Variants in GRIN2A observed in about 807,000 individuals in gnomAD.
The protein encoded by GRIN2A is glutamate ionotropic receptor NMDA type subunit 2A.
Under a neutral mutation model 113.4 loss-of-function variants are expected in GRIN2A, and 22 were observed. The observed-to-expected ratio is 0.19, with a 90% confidence interval of 0.14 to 0.28. The LOEUF is 0.28. GRIN2A is among the 10% of genes least tolerant of loss of function. GRIN2A has a pLI of 1.00. For synonymous variants in GRIN2A, 827 were observed against 738.4 expected, an observed-to-expected ratio of 1.12 and a Z score of -1.94; for missense variants, 1,502 against 1,887.0, an observed-to-expected ratio of 0.80 and a Z score of 3.78.
intron 2 of GRIN2A, among the ~76,000 whole-genome samples, chr16:9,944,123 A>T (rs150042833): frequency 1.4e-3 from 215 of 152,266 alleles, no homozygotes; most frequent in African/African-American, 4.8e-3. Context: ...GTCTGCCAAG[A>T]AAAGGAAATA....
chr16:10,156,977 G>T (rs1368411187), intron 2 of GRIN2A, among the ~76,000 whole-genome samples: 1 of 152,194 alleles, frequency 6.6e-6, no homozygotes, highest in African/African-American at 2.4e-5. Context: ...GAGCCTGGTG[G>T]TGATGGGGGG....
rs74849100 is a variant in GRIN2A, at chr16:9,912,725, G to T, written c.1008-21625C>A. Among the ~76,000 whole-genome samples, 843 of 152,296 alleles carry T rather than the reference G, an allele frequency of 5.5e-3. 11 individuals carry two copies. The highest frequency in any genetic ancestry group is 0.019 in the African/African-American group (780 of 41,576). ...AAGGGCAATATGCACAAAACACTTT[G>T]TAGAGAGCCTGGAACATAGTAACTG... is the stretch of plus-strand genomic sequence containing the variant. On this transcript the variant is annotated intron_variant, in intron 3 of 12. Transcript: ENST00000330684.
chr16:9,990,755 T>C (rs1412957022), intron 2 of GRIN2A, among the ~76,000 whole-genome samples: 1 of 152,072 alleles, frequency 6.6e-6, no homozygotes, highest in African/African-American at 2.4e-5. Flanking sequence ...TTTTGGATAA[T>C]ACTATTTTCT....
At chr16:10,157,996 T>A (rs540346229) in intron 2 of GRIN2A, among the ~76,000 whole-genome samples, 12 of 152,066 alleles carry the variant, frequency 7.9e-5, no homozygotes, top group Admixed American at 7.9e-4. Context: ...CTATATTTAT[T>A]TTTATTTATT....
At chr16:9,790,956 G>A (rs559744031) in intron 11 of GRIN2A, among the ~76,000 whole-genome samples, 8 of 152,320 alleles carry the variant, frequency 5.3e-5, no homozygotes, top group African/African-American at 1.7e-4. Context: ...GTGGCCCAGG[G>A]CACATGGAGA....
intron 2 of GRIN2A, among the ~76,000 whole-genome samples, chr16:10,175,115 G>A (rs1298761643): frequency 6.6e-6 from 1 of 152,200 alleles, no homozygotes; most frequent in Non-Finnish European, 1.5e-5. Flanking sequence ...TAGCCTAGGA[G>A]CAAGAGCCTA....
At chr16:10,176,369 C>A (rs1413962181) in intron 2 of GRIN2A, among the ~76,000 whole-genome samples, 2 of 152,096 alleles carry the variant, frequency 1.3e-5, no homozygotes, top group Admixed American at 1.3e-4. Flanking sequence ...AACATTAGCA[C>A]CTCCATTGTA....
intron 4 of GRIN2A, among the ~76,000 whole-genome samples, chr16:9,879,538 C>T (rs1427487980): frequency 6.6e-6 from 1 of 152,198 alleles, no homozygotes; most frequent in Non-Finnish European, 1.5e-5. Flanking sequence ...TATTCCTCCC[C>T]ATACCTCTCT....
At chr16:9,897,626 TTGA>T (rs1366970188) in intron 3 of GRIN2A, among the ~76,000 whole-genome samples, 4 of 152,212 alleles carry the variant, frequency 2.6e-5, no homozygotes, top group African/African-American at 9.7e-5. Flanking sequence ...TAATTTTAGG[TTGA>T]TTTCATGTTG....
At chr16:9,771,593 CTGTT>C (rs1480892756) in intron 11 of GRIN2A, among the ~76,000 whole-genome samples, 1 of 149,002 alleles carries the variant, frequency 6.7e-6, no homozygotes, top group Non-Finnish European at 1.5e-5. Context: ...TCTCATTCCT[CTGTT>C]TGCTGTGTGT....
chr16:9,895,263 G>T (rs1252454950), intron 3 of GRIN2A, among the ~76,000 whole-genome samples: 1 of 152,206 alleles, frequency 6.6e-6, no homozygotes, highest in Non-Finnish European at 1.5e-5. Flanking sequence ...AAGGGATTTG[G>T]GTTGTGCTGA....
intron 3 of GRIN2A, among the ~76,000 whole-genome samples, chr16:9,933,982 G>A (rs1012798404): frequency 9.2e-5 from 14 of 152,212 alleles, no homozygotes; most frequent in Non-Finnish European, 1.6e-4. Context: ...ACATGTACAT[G>A]GATTTGGATG....
intron 2 of GRIN2A, among the ~76,000 whole-genome samples, chr16:10,038,640 G>A (rs985604130): frequency 1.3e-5 from 2 of 151,900 alleles, no homozygotes; most frequent in Non-Finnish European, 2.9e-5. Context: ...TCAGGAGATA[G>A]AGATCATCCT....
At chr16:9,810,662 A>G (rs1002627113) in intron 10 of GRIN2A, among the ~76,000 whole-genome samples, 12 of 152,268 alleles carry the variant, frequency 7.9e-5, no homozygotes, top group East Asian at 1.9e-4. Context: ...GACGCAAAGA[A>G]TGGCCCTCGC....
At chr16:10,045,556 A>G (rs922612007) in intron 2 of GRIN2A, among the ~76,000 whole-genome samples, 2 of 152,136 alleles carry the variant, frequency 1.3e-5, no homozygotes, top group African/African-American at 2.4e-5. Context: ...AGAGGTGACA[A>G]CCTATCCTCG....
chr16:9,946,895 C>G (rs1323687666), intron 2 of GRIN2A, among the ~76,000 whole-genome samples: 2 of 152,186 alleles, frequency 1.3e-5, no homozygotes, highest in Non-Finnish European at 1.5e-5. Context: ...CCATGTTGAA[C>G]ACCTTGTTCA....
chr16:10,126,088 GCTTTT>G (rs2048929065), intron 2 of GRIN2A, among the ~76,000 whole-genome samples: 1 of 151,950 alleles, frequency 6.6e-6, no homozygotes, highest in African/African-American at 2.4e-5. Context: ...TTTTCATTTT[GCTTTT>G]CTTAATTATA....
chr16:10,044,587 G>T (rs1746297852), intron 2 of GRIN2A, among the ~76,000 whole-genome samples: 1 of 150,026 alleles, frequency 6.7e-6, no homozygotes, highest in African/African-American at 2.5e-5. Flanking sequence ...ATGATTATTT[G>T]CTTTTGAAAA....
chr16:9,861,717 G>C (rs1182513633), intron 4 of GRIN2A, among the ~76,000 whole-genome samples: 1 of 152,162 alleles, frequency 6.6e-6, no homozygotes, highest in Non-Finnish European at 1.5e-5. Context: ...CGTCACTTTG[G>C]AACTCAATTT....
Sources: gnomAD v4.1 joint callset for allele counts (sites outside exome capture counted in the v4.1 genomes callset) on GRCh38, gnomAD v4.1.1 for gene constraint, MANE v1.5 for transcripts, NCBI Gene and HGNC (gene_info 2026-07-23, HGNC 2026-07-21) for gene names.